Variants in RASA2 observed in about 807,000 individuals in gnomAD.
The protein encoded by RASA2 is ras GTPase-activating protein 2.
Under a neutral mutation model 118.2 loss-of-function variants are expected in RASA2, and 155 were observed. The observed-to-expected ratio is 1.31, with a 90% confidence interval of 1.15 to 1.50. The LOEUF is 1.50. Among genes scored for constraint, RASA2 ranks in the 40% most tolerant of loss-of-function variants. The pLI is 0.00. For missense variants in RASA2, 1,016 were observed against 1,009.6 expected, an observed-to-expected ratio of 1.01 and a Z score of -0.09; for synonymous variants, 353 against 349.1, an observed-to-expected ratio of 1.01 and a Z score of -0.12.
At chr3:141,515,923 TATC>T (rs2082016868) in intron 2 of RASA2, among the ~76,000 whole-genome samples, 1 of 149,698 alleles carries the variant, frequency 6.7e-6, no homozygotes, top group African/African-American at 2.5e-5. Flanking sequence ...AAAGTGATAT[TATC>T]ATTCTCAGCA....
Position 141,544,449 on chromosome 3 carries a change from C to T in RASA2, c.527+3840C>T, listed in dbSNP as rs1011813556. Among the ~76,000 whole-genome samples the T allele has an allele frequency of 2.0e-5, 3 of 152,080 alleles. No individual in the cohort carries two copies. In the East Asian group the frequency reaches 5.8e-4, roughly 29 times the overall value. The stretch of plus-strand genomic sequence containing the variant: ...CTGAGGCTTTGTCCTTTGCTTTTCC[C>T]CCCAGTCTATTTTCCCTCTGTTGTT... On this transcript the variant is annotated intron_variant, in intron 5 of 23. Coordinates refer to ENST00000286364, the MANE Select transcript of RASA2 (RefSeq NM_006506.5).
chr3:141,607,026 A>G (rs2083559541), intron 19 of RASA2, among the ~76,000 whole-genome samples: 1 of 152,186 alleles, frequency 6.6e-6, no homozygotes, highest in Admixed American at 6.5e-5. Context: ...CCATGTTATT[A>G]TGGAGCTCCT....
rs767358137 is a variant in RASA2, at chr3:141,573,957, A to G, written c.1373A>G (p.Tyr458Cys). ...TAAATCCTGCAGGAGAATCTGCGCT[A>G]CTATGTAGACAAGTTATTCAATACA... ...NVENNKENLR[Y>C]YVDKLFNTIV... The change falls in exon 14 of 24, where the codon TAC (tyrosine) becomes TGC (cysteine). Residue 458 changes from tyrosine (Y) to cysteine (C), a missense_variant. Tyr to Cys is a radical substitution (Grantham distance 194). Coordinates refer to ENST00000286364, the MANE Select transcript of RASA2 (RefSeq NM_006506.5). 4 of 1,586,684 alleles carry G rather than the reference A, an allele frequency of 2.5e-6. No homozygotes were observed. In the South Asian group the frequency reaches 3.4e-5, roughly 14 times the overall value.
intron 9 of RASA2, 32 bp downstream of exon 9, chr3:141,560,027 G>GT: frequency 1.3e-6 from 2 of 1,533,820 alleles, no homozygotes; most frequent in Non-Finnish European, 1.8e-6. Context: ...GAACTCCATA[G>GT]TTTAATTCTC....
intron 1 of RASA2, among the ~76,000 whole-genome samples, chr3:141,503,280 C>G (rs2081812042): frequency 6.6e-6 from 1 of 152,122 alleles, no homozygotes; most frequent in Admixed American, 6.5e-5. Context: ...GGTACATACT[C>G]ACATATGTAC....
At chr3:141,546,351 G>A (rs1471366389) in intron 5 of RASA2, among the ~76,000 whole-genome samples, 1 of 152,088 alleles carries the variant, frequency 6.6e-6, no homozygotes, top group African/African-American at 2.4e-5. Flanking sequence ...ACCAATATTT[G>A]TTACGCATGT....
intron 1 of RASA2, among the ~76,000 whole-genome samples, chr3:141,507,426 A>G (rs1488695606): frequency 6.6e-6 from 1 of 152,222 alleles, no homozygotes; most frequent in African/African-American, 2.4e-5. Context: ...AGAAAAAGCC[A>G]TGTTGCATCT....
At chr3:141,566,117 C>T (rs2082816587) in intron 9 of RASA2, among the ~76,000 whole-genome samples, 1 of 152,120 alleles carries the variant, frequency 6.6e-6, no homozygotes, top group Non-Finnish European at 1.5e-5. Flanking sequence ...AGTATTAAAA[C>T]TACTATTTCT....
rs749349868 is a variant in RASA2 at position 141,558,879 on chromosome 3, T to C, written c.685-7T>C. ...AAAAAATTTTTACTAAAATATTTTG[T>C]TTACAGGTAACCAGATCCAGTAGTT... On this transcript the variant is annotated splice_polypyrimidine_tract_variant and splice_region_variant and intron_variant, in intron 7 of 23. Coordinates refer to ENST00000286364, the MANE Select transcript of RASA2 (RefSeq NM_006506.5). 8 of 1,582,532 alleles carry C rather than the reference T, an allele frequency of 5.1e-6. No individual in the cohort carries two copies.
chr3:141,611,716 A>G (rs1193392089), intron 23 of RASA2, among the ~76,000 whole-genome samples: 2 of 152,208 alleles, frequency 1.3e-5, no homozygotes, highest in Non-Finnish European at 2.9e-5. Flanking sequence ...TTTTTTATTC[A>G]TGTACAATAA....
chr3:141,584,070 C>G (rs947151115), intron 17 of RASA2, among the ~76,000 whole-genome samples: 5 of 151,842 alleles, frequency 3.3e-5, no homozygotes, highest in Non-Finnish European at 7.4e-5. Context: ...CGGTGGCTTA[C>G]GCCTGTAATC....
At chr3:141,525,204 T>TG (rs1215649751) in intron 3 of RASA2, 2 of 152,192 alleles carry the variant, frequency 1.3e-5, no homozygotes, top group Non-Finnish European at 2.9e-5. Context: ...ATACAGCATC[T>TG]GGTGTGTATA....
chr3:141,586,003 A>T (rs1216002254), intron 17 of RASA2, 22 bp from the exon 18 acceptor site: 1 of 1,577,252 alleles, frequency 6.3e-7, no homozygotes, highest in Non-Finnish European at 8.7e-7. Context: ...ACAGTGTAAT[A>T]TTTGCCCATT....
intron 5 of RASA2, among the ~76,000 whole-genome samples, chr3:141,545,817 G>A (rs968519112): frequency 6.6e-6 from 1 of 151,682 alleles, no homozygotes; most frequent in Admixed American, 6.6e-5. Context: ...TGTTAAATAC[G>A]AGATCTTATC....
chr3:141,572,712 A>G lies in RASA2; in HGVS notation c.1273A>G (p.Ile425Val), dbSNP rs774728183. Residue 425 changes from isoleucine to valine, a missense_variant, in exon 12 of 24, where the codon ATT becomes GTT. Coordinates refer to ENST00000286364, the MANE Select transcript of RASA2 (RefSeq NM_006506.5). ...GHYLKVTLKPILDEICDSSKS... is the reference protein window; with the variant it reads ...GHYLKVTLKPVLDEICDSSKS... ...CTACCTGAAAGTAACATTAAAACCT[A>G]TTCTTGATGAGGTACAGAATATATC... is the stretch of plus-strand genomic sequence containing the variant. 1.3e-5 allele frequency: 21 copies of G among 1,600,372 alleles called. No individual in the cohort carries two copies. Among genetic ancestry groups the G allele is most frequent in the African/African-American group, 9.4e-5 (7 of 74,526 alleles).
In RASA2 at chr3:141,608,609, T is replaced by G; in HGVS notation, c.2137T>G (p.Phe713Val). The G allele has an allele frequency of 3.1e-6, 5 of 1,613,986 alleles. No homozygotes were observed. Among genetic ancestry groups the G allele is most frequent in the Non-Finnish European group, 4.2e-6 (5 of 1,179,920 alleles). Reference protein sequence around the residue: ...VSRCNQNRLSFYHPSVYLNGN... With the variant: ...VSRCNQNRLSVYHPSVYLNGN... ...CCGATGCAATCAAAACAGGCTCAGT[T>G]TTTATCATCCCTCTGTGTATCTGAA... The change falls in exon 21 of 24, where the codon TTT becomes GTT. Residue 713 changes from phenylalanine (F) to valine (V), a missense_variant. Physicochemically the swap from Phe to Val is conservative, Grantham distance 50. Transcript: ENST00000286364.
intron 3 of RASA2, 40 bp from the exon 4 acceptor site, chr3:141,529,668 G>A (rs746587144): frequency 9.8e-6 from 14 of 1,426,076 alleles, no homozygotes; most frequent in East Asian, 2.3e-5. Flanking sequence ...AGGATTATAC[G>A]AAGCATGTTT....
At chr3:141,549,654 C>T (rs1360541295) in intron 5 of RASA2, among the ~76,000 whole-genome samples, 1 of 152,132 alleles carries the variant, frequency 6.6e-6, no homozygotes, top group African/African-American at 2.4e-5. Flanking sequence ...GACCAAAGAG[C>T]TGAAGTTTAA....
intron 16 of RASA2, 26 bp from the exon 17 acceptor site, chr3:141,581,074 T>C: frequency 2.7e-6 from 4 of 1,499,938 alleles, no homozygotes; most frequent in Admixed American, 2.7e-5. Flanking sequence ...TTAACACATA[T>C]AAACCCTGTG....
Sources: allele counts gnomAD v4.1 joint callset (sites outside exome capture counted in the v4.1 genomes callset), GRCh38; gene constraint gnomAD v4.1.1; transcripts MANE v1.5; gene names NCBI Gene and HGNC (gene_info 2026-07-23, HGNC 2026-07-21).